AUTS2: variants seen among roughly 807,000 people sequenced by gnomAD.
AUTS2 encodes the protein autism susceptibility gene 2 protein.
AUTS2 carries 17 observed loss-of-function variants against 112.4 expected under a neutral mutation model. That is an observed-to-expected ratio of 0.15 (90% CI 0.10 to 0.23). AUTS2 has a LOEUF of 0.23. Among genes scored for constraint, AUTS2 ranks in the 10% least tolerant of loss-of-function variants. The pLI, the probability that AUTS2 is intolerant of heterozygous loss-of-function variation, is 1.00. For missense variants in AUTS2, 1,510 were observed against 1,701.6 expected (o/e 0.89, Z 1.98); for synonymous variants, 751 against 702.7 (o/e 1.07, Z -1.09).
intron 4 of AUTS2, among the ~76,000 whole-genome samples, chr7:70,403,262 A>G (rs909665198): frequency 1.3e-5 from 2 of 152,264 alleles, no homozygotes; most frequent in Admixed American, 6.5e-5. Flanking sequence ...GCATGGGAAT[A>G]GCACACTGCA....
chr7:70,216,873 A>T (rs955268575), intron 4 of AUTS2, among the ~76,000 whole-genome samples: 2 of 152,204 alleles, frequency 1.3e-5, no homozygotes, highest in African/African-American at 4.8e-5. Flanking sequence ...CCCCAGACTA[A>T]GACAACCACT....
chr7:70,488,776 C>T (rs1026939090), intron 5 of AUTS2, among the ~76,000 whole-genome samples: 3 of 152,136 alleles, frequency 2.0e-5, no homozygotes, highest in Non-Finnish European at 4.4e-5. Context: ...ACGCGTATCC[C>T]TTCAGGGAAG....
rs180890611 is a variant in AUTS2, at chr7:70,363,044, G to C, written c.661-72708G>C. Among the ~76,000 whole-genome samples the C allele has an allele frequency of 2.3e-3, 348 of 152,316 alleles. 1 individual carries two copies. The highest frequency in any genetic ancestry group is 8.0e-3 in the African/African-American group (332 of 41,582). On this transcript the variant is annotated intron_variant, in intron 4 of 18. Transcript: ENST00000342771. ...ATATTCTCTCAGTCTTTCCCTCTCT[G>C]TGTGTGTATAATATTTTTGTTAATA...
intron 3 of AUTS2, among the ~76,000 whole-genome samples, chr7:70,134,124 C>T (rs1397470874): frequency 6.6e-6 from 1 of 152,134 alleles, no homozygotes; most frequent in African/African-American, 2.4e-5. Context: ...GGGCTTTTTC[C>T]TCTTGCCTGC....
chr7:69,842,039 A>G (rs1041692397), intron 1 of AUTS2, among the ~76,000 whole-genome samples: 2 of 152,130 alleles, frequency 1.3e-5, no homozygotes, highest in Admixed American at 1.3e-4. Flanking sequence ...TGTTTGTTTT[A>G]TATTTATATT....
chr7:70,297,412 T>C (rs1375029957), intron 4 of AUTS2, among the ~76,000 whole-genome samples: 1 of 151,136 alleles, frequency 6.6e-6, no homozygotes, highest in East Asian at 1.9e-4. Flanking sequence ...CAAAATATTG[T>C]GAAGAGGAAG....
At chr7:69,857,341 G>A (rs13231188) in intron 1 of AUTS2, among the ~76,000 whole-genome samples, 1,572 of 152,198 alleles carry the variant, frequency 0.01, 20 homozygotes, top group Non-Finnish European at 0.013. Context: ...TGACAGTGTC[G>A]TACAATGAGG....
chr7:70,377,331 T>TAA (rs1176167691), intron 4 of AUTS2, among the ~76,000 whole-genome samples: 2 of 32,572 alleles, frequency 6.1e-5, no homozygotes, highest in Admixed American at 2.9e-4. Context: ...TATAAATATA[T>TAA]ATATATATAT....
chr7:70,630,955 C>T (rs1563088032), intron 5 of AUTS2, among the ~76,000 whole-genome samples: 1 of 152,164 alleles, frequency 6.6e-6, no homozygotes, highest in Non-Finnish European at 1.5e-5. Context: ...CCATCTGTTC[C>T]TGAGACTTTA....
chr7:69,882,314 A>T (rs1794091112), intron 1 of AUTS2, among the ~76,000 whole-genome samples: 1 of 152,138 alleles, frequency 6.6e-6, no homozygotes, highest in Non-Finnish European at 1.5e-5. Context: ...TCTCAATGTA[A>T]TAAATAAGTA....
chr7:70,790,991 C>T lies in AUTS2; in HGVS notation c.3775C>T (p.Arg1259Ter). Reference sequence around the variant, plus strand: ...CCACACGCTGAAGGATATCGAGGCCCGATAAGCCGAGAACAGGAGCAAGAA... The same window carrying T: ...CCACACGCTGAAGGATATCGAGGCCTGATAAGCCGAGAACAGGAGCAAGAA... ...PSHTLKDIEA[R>*] Residue 1259 changes from arginine (R) to a stop codon, truncating the protein, a stop_gained, in exon 19 of 19, where the codon CGA becomes TGA. Coordinates refer to ENST00000342771, the MANE Select transcript of AUTS2 (RefSeq NM_015570.4). LOFTEE classifies it high-confidence loss of function. The surrounding 1 kb of genome is among the most constrained non-coding windows in gnomAD (Gnocchi z 7.6). 1.3e-6 allele frequency: 2 copies of T among 1,492,686 alleles called. No homozygotes were observed. Among genetic ancestry groups the T allele is most frequent in the South Asian group, 1.4e-5 (1 of 71,488 alleles). The allele number at this position is 1,492,686 out of a possible 1,614,324, so 92.5% of individuals were successfully genotyped here. A position where few individuals can be genotyped will look rare whatever the true frequency, so the allele number is the denominator to read the frequency against.
At chr7:70,041,562 G>A (rs1801248486) in intron 2 of AUTS2, among the ~76,000 whole-genome samples, 1 of 152,142 alleles carries the variant, frequency 6.6e-6, no homozygotes, top group Non-Finnish European at 1.5e-5. Context: ...TAGCTTATCT[G>A]TATACTCAAA....
chr7:70,256,904 A>T (rs1205313213), intron 4 of AUTS2, among the ~76,000 whole-genome samples: 1 of 152,180 alleles, frequency 6.6e-6, no homozygotes. Flanking sequence ...CTTCACAGTC[A>T]ACTTTCAGTG....
chr7:70,116,554 T>A (rs1805365751), intron 2 of AUTS2, among the ~76,000 whole-genome samples: 1 of 152,194 alleles, frequency 6.6e-6, no homozygotes, highest in Non-Finnish European at 1.5e-5. Context: ...ATGGAGCTTA[T>A]GTTTAGTTTG....
chr7:70,189,014 C>T (rs1039948621), intron 4 of AUTS2, among the ~76,000 whole-genome samples: 9 of 151,940 alleles, frequency 5.9e-5, no homozygotes, highest in South Asian at 2.1e-4. Flanking sequence ...ATAGGAATTA[C>T]GCCAAGAACA....
chr7:70,376,863 G>A (rs914910764), intron 4 of AUTS2, among the ~76,000 whole-genome samples: 1 of 151,412 alleles, frequency 6.6e-6, no homozygotes, highest in Non-Finnish European at 1.5e-5. Flanking sequence ...GTCTTTGGGA[G>A]CCTCTTGGTT....
chr7:70,760,700 G>A lies in AUTS2; in HGVS notation c.743-2170G>A, dbSNP rs994513051. Among the ~76,000 whole-genome samples the A allele has an allele frequency of 4.0e-4, 61 of 152,294 alleles. No homozygotes were observed. In the Middle Eastern group the frequency reaches 0.01, roughly 25 times the overall value. ...TTGCTAGCTGGATGGGGACCTATCC[G>A]CAGCAAGGGCTTGGGGTGCCCCTTT... On this transcript the variant is annotated intron_variant, in intron 6 of 18. Transcript: ENST00000342771.
intron 4 of AUTS2, among the ~76,000 whole-genome samples, chr7:70,377,520 G>A (rs774636861): frequency 4.1e-4 from 61 of 150,252 alleles, no homozygotes; most frequent in Admixed American, 3.0e-3. Context: ...TAAATGTATA[G>A]TTTAATGGCA....
chr7:70,169,870 G>A (rs1360841811), intron 4 of AUTS2, among the ~76,000 whole-genome samples: 2 of 151,976 alleles, frequency 1.3e-5, no homozygotes, highest in Admixed American at 1.3e-4. Context: ...ATGGGGGTTG[G>A]CAAATTCTAG....
Sources: gnomAD v4.1 joint callset for allele counts (sites outside exome capture counted in the v4.1 genomes callset) on GRCh38, gnomAD v4.1.1 for gene constraint, Gnocchi (gnomAD v3.1) non-coding constraint, MANE v1.5 for transcripts, NCBI Gene and HGNC (gene_info 2026-07-23, HGNC 2026-07-21) for gene names.